The following MYH7B variants were observed in gnomAD, a reference collection of about 807,000 sequenced individuals.
MYH7B encodes the protein myosin heavy chain 7B.
In MYH7B, 205 loss-of-function variants were observed where a neutral mutation model predicts 234.5. That is an observed-to-expected ratio of 0.87 (90% CI 0.78 to 0.98). The LOEUF (loss-of-function observed/expected upper bound fraction) is 0.98. Ranked by LOEUF, MYH7B falls within the 50% of genes least tolerant of loss-of-function variation. The probability of loss-of-function intolerance (pLI) is 0.00; values close to 1 mark genes in which losing one functional copy is unlikely to be tolerated. For missense variants in MYH7B, 2,652 were observed against 2,633.4 expected (o/e 1.01, Z -0.15); for synonymous variants, 1,193 against 1,105.0 (o/e 1.08, Z -1.58).
chr20:35,002,304 G>T, exon 45 of MYH7B: 1 of 1,214,578 alleles, frequency 8.2e-7, no homozygotes, highest in East Asian at 2.5e-5. Flanking sequence ...GCCTTCCCTG[G>T]GCCCTGAATA....
At position 34,994,406 on chromosome 20, in the gene MYH7B, G is replaced by C. The variant is rs1387244925; in HGVS notation, c.2700+5G>C. ...CTGGCCCTGCAGCTGCAGGCTGTGA[G>C]TCAGGGTTCCCCTTGTGACCGGGCG... On this transcript the variant is annotated splice_donor_5th_base_variant and intron_variant, in intron 27 of 44. Transcript: ENST00000262873. The C allele has an allele frequency of 1.9e-6, 3 of 1,568,644 alleles. No individual in the cohort carries two copies. The highest frequency in any genetic ancestry group is 2.6e-6 in the Non-Finnish European group (3 of 1,157,512).
chr20:34,968,667 GGT>G (rs2147155380), intron 2 of MYH7B, among the ~76,000 whole-genome samples: 1 of 152,320 alleles, frequency 6.6e-6, no homozygotes, highest in East Asian at 1.9e-4. Context: ...TTATCTGGAT[GGT>G]GACCCCTGGG....
Position 34,993,404 on chromosome 20 carries a change from C to T in MYH7B, c.2378C>T (p.Thr793Met), listed in dbSNP as rs773912725. Reference sequence around the variant, plus strand: ...GACCAGCGCCTGGCCAAGGTGCTGACGCTGCTGCAGGCGCGGAGCCGTGGC... The same window carrying T: ...GACCAGCGCCTGGCCAAGGTGCTGATGCTGCTGCAGGCGCGGAGCCGTGGC... The change falls in exon 26 of 45, where the codon ACG becomes ATG. Residue 793 changes from threonine to methionine, a missense_variant. By Grantham distance (81) the Thr-to-Met change is moderately conservative. Transcript: ENST00000262873. The T allele has an allele frequency of 3.6e-5, 58 of 1,613,088 alleles. No individual in the cohort carries two copies. In the South Asian group the frequency reaches 3.7e-4, roughly 10 times the overall value.
intron 13 of MYH7B, among the ~76,000 whole-genome samples, chr20:34,985,783 G>A (rs534198145): frequency 5.3e-5 from 8 of 152,086 alleles, no homozygotes; most frequent in Non-Finnish European, 1.0e-4. Context: ...AGACACACAC[G>A]GAGGCTCGGC....
intron 16 of MYH7B, 57 bp from the exon 17 acceptor site, chr20:34,987,500 A>G: frequency 1.3e-6 from 2 of 1,490,406 alleles, no homozygotes; most frequent in Non-Finnish European, 9.2e-7. Flanking sequence ...GAGGCAGTAG[A>G]GCCCCTGAGT....
At position 35,000,369 on chromosome 20, in the gene MYH7B, C is replaced by T. The variant is rs374516753; in HGVS notation, c.4858C>T (p.Arg1620Trp). 36 of 1,599,026 alleles carry T rather than the reference C, an allele frequency of 2.3e-5. No homozygotes were observed. The African/African-American group carries it at 2.3e-4, about 10-fold the overall frequency. The change falls in exon 39 of 45, where the codon CGG becomes TGG. Residue 1620 changes from arginine (R) to tryptophan (W), a missense_variant. By Grantham distance (101) the Arg-to-Trp change is moderately radical. Coordinates refer to ENST00000262873, the Ensembl canonical transcript of MYH7B. ...GACACGGGCCCGCAATGAGGCGCTG[C>T]GGCTCAAGAAGAAGATGGAGGGTGA...
rs2081932148 is a variant in MYH7B at position 34,980,875 on chromosome 20, C to T, written c.499+141C>T. On this transcript the variant is annotated intron_variant, in intron 8 of 44. Transcript: ENST00000262873. ...TGGTCGCCCAGCCGTTCTGTCCCTCCGCATGGGAGCTGACCTCCACTAGGG... is the reference window on the plus strand; with the variant it reads ...TGGTCGCCCAGCCGTTCTGTCCCTCTGCATGGGAGCTGACCTCCACTAGGG... 3.4e-6 allele frequency: 5 copies of T among 1,478,552 alleles called. No individual in the cohort carries two copies. The South Asian group carries it at 3.5e-5, about 10-fold the overall frequency. The allele number at this position is 1,478,552 out of a possible 1,614,324, so 91.6% of individuals were successfully genotyped here. A position where few individuals can be genotyped will look rare whatever the true frequency, so the allele number is the denominator to read the frequency against.
At position 35,000,708 on chromosome 20, in the gene MYH7B, G is replaced by C. The variant is rs749178687; in HGVS notation, c.5178+19G>C. The C allele has an allele frequency of 6.2e-7, 1 of 1,600,920 alleles. No homozygotes were observed. The highest frequency in any genetic ancestry group is 1.8e-5 in the Admixed American group (1 of 56,934). On this transcript the variant is annotated intron_variant, in intron 39 of 44. Transcript: ENST00000262873. Reference sequence around the variant, plus strand: ...TTCGCAGGTGGGGACAGGAGTCCCTGGGGACAGAGCAGGTGCAGGCCTGCT... The same window carrying C: ...TTCGCAGGTGGGGACAGGAGTCCCTCGGGACAGAGCAGGTGCAGGCCTGCT...
At chr20:34,956,606 G>A (rs879056783) in intron 1 of MYH7B, among the ~76,000 whole-genome samples, 1 of 152,180 alleles carries the variant, frequency 6.6e-6, no homozygotes, top group East Asian at 1.9e-4. Flanking sequence ...ACTGCTTTCA[G>A]TCTGATAAGA....
chr20:34,974,954 A>C (rs2081833640), intron 2 of MYH7B, among the ~76,000 whole-genome samples: 1 of 152,226 alleles, frequency 6.6e-6, no homozygotes, highest in Non-Finnish European at 1.5e-5. Flanking sequence ...AGAGAATTGA[A>C]ACAGTGAGGT....
chr20:34,978,052 AG>A lies in MYH7B; in HGVS notation c.50del (p.Gly17AlafsTer5). 1 of 1,614,092 alleles carries A rather than the reference AG, an allele frequency of 6.2e-7. No individual in the cohort carries two copies. Among genetic ancestry groups the A allele is most frequent in the Non-Finnish European group, 8.5e-7 (1 of 1,180,016 alleles). ...GGGGAGTCTGCCCGCTACCTCCGCCAGGGCTACCAGGAGATGACGAAGGTGC... is the reference window on the plus strand; with the variant it reads ...GGGGAGTCTGCCCGCTACCTCCGCCAGGCTACCAGGAGATGACGAAGGTGC... On this transcript the variant is annotated frameshift_variant, in exon 5 of 45. Transcript: ENST00000262873. LOFTEE classifies it high-confidence loss of function.
exon 29 of MYH7B, chr20:34,996,416 C>T (rs750376226): frequency 9.9e-6 from 16 of 1,613,032 alleles, no homozygotes; most frequent in African/African-American, 1.3e-5. Context: ...GAGAAGAAGG[C>T]GTTGCAGGAG....
At chr20:34,982,593 C>A in intron 10 of MYH7B, 38 bp downstream of exon 10, 2 of 1,452,558 alleles carry the variant, frequency 1.4e-6, no homozygotes, top group Non-Finnish European at 1.9e-6. Flanking sequence ...CCCGTTGCTT[C>A]TCGCTGTTTT....
At position 34,993,150 on chromosome 20, in the gene MYH7B, C is replaced by T. The variant is rs1476069776; in HGVS notation, c.2232C>T (p.Asp744=). ...CCATCCCGGATGACACCTTCATGGACAGCAGGAAGGCCACAGAGAAACTGC... is the reference window on the plus strand; with the variant it reads ...CCATCCCGGATGACACCTTCATGGATAGCAGGAAGGCCACAGAGAAACTGC... The change falls in exon 25 of 45, where the codon GAC becomes GAT. Residue 744 remains aspartate, a synonymous_variant. Transcript: ENST00000262873. The T allele has an allele frequency of 3.1e-6, 5 of 1,613,982 alleles. No individual in the cohort carries two copies. The highest frequency in any genetic ancestry group is 2.2e-5 in the East Asian group (1 of 44,874).
At chr20:34,971,262 G>T (rs1225087914) in intron 2 of MYH7B, among the ~76,000 whole-genome samples, 1 of 152,116 alleles carries the variant, frequency 6.6e-6, no homozygotes, top group East Asian at 1.9e-4. Context: ...ATGGCTGAAG[G>T]GCCCCTTCAT....
Position 34,984,850 on chromosome 20 carries a change from C to G in MYH7B, c.649-4C>G. The G allele has an allele frequency of 1.2e-6, 2 of 1,613,474 alleles. No individual in the cohort carries two copies. The highest frequency in any genetic ancestry group is 1.7e-6 in the Non-Finnish European group (2 of 1,179,432). On this transcript the variant is annotated splice_polypyrimidine_tract_variant and splice_region_variant and intron_variant, in intron 11 of 44. Transcript: ENST00000262873. ...GACAGACCCCCTCACCCCCACCGCC[C>G]CAGGGCACCCTTGAGGATCAAATCA...
intron 38 of MYH7B, 139 bp from the exon 39 acceptor site, chr20:35,000,154 G>A (rs2082342094): frequency 8.9e-7 from 1 of 1,122,286 alleles, no homozygotes; most frequent in Non-Finnish European, 1.3e-6. Flanking sequence ...ATGGGCCACA[G>A]GCAGTCACAA....
At chr20:34,982,419 GC>G in intron 9 of MYH7B, 39 bp from the exon 10 acceptor site, 2 of 1,582,228 alleles carry the variant, frequency 1.3e-6, no homozygotes, top group Non-Finnish European at 1.7e-6. Context: ...GGAGAATTAG[GC>G]CAGATGGGCA....
In MYH7B at chr20:34,988,088, G is replaced by A. The variant is rs1460773387; in HGVS notation, c.1417-4G>A. On this transcript the variant is annotated splice_region_variant and splice_polypyrimidine_tract_variant and intron_variant, in intron 18 of 44. Transcript: ENST00000262873. The stretch of plus-strand genomic sequence containing the variant: ...CTGCTGAGCCAGGCCCCTCCCTCTT[G>A]TAGTTCAACAGCTTCGAACAGCTGT... The A allele has an allele frequency of 6.2e-7, 1 of 1,611,158 alleles. No homozygotes were observed. Among genetic ancestry groups the A allele is most frequent in the Non-Finnish European group, 8.5e-7 (1 of 1,178,390 alleles).
Sources: gnomAD v4.1 joint callset for allele counts (sites outside exome capture counted in the v4.1 genomes callset) on GRCh38, gnomAD v4.1.1 for gene constraint, MANE v1.5 for transcripts, NCBI Gene and HGNC (gene_info 2026-07-23, HGNC 2026-07-21) for gene names.